DNAJA3: variants seen among roughly 807,000 people sequenced by gnomAD.
The protein encoded by DNAJA3 is DnaJ heat shock protein family (Hsp40) member A3, also known as dnaJ homolog subfamily A member 3, mitochondrial.
Under a neutral mutation model 54.9 loss-of-function variants are expected in DNAJA3, and 29 were observed. That is an observed-to-expected ratio of 0.53 (90% CI 0.39 to 0.72). The LOEUF is 0.72. Ranked by LOEUF, DNAJA3 falls within the 30% of genes least tolerant of loss-of-function variation. DNAJA3 has a pLI of 0.00. For synonymous variants in DNAJA3, 302 were observed against 251.4 expected (o/e 1.20, Z -1.90); for missense variants, 708 against 639.4 (o/e 1.11, Z -1.16).
At chr16:4,453,827 C>T (rs140493749) in intron 10 of DNAJA3, among the ~76,000 whole-genome samples, 3 of 152,320 alleles carry the variant, frequency 2.0e-5, no homozygotes, top group East Asian at 3.9e-4. Flanking sequence ...CTTTCACTAG[C>T]GAAGGCACCT....
chr16:4,452,402 T>C (rs966742513), intron 10 of DNAJA3, among the ~76,000 whole-genome samples: 2 of 152,126 alleles, frequency 1.3e-5, no homozygotes, highest in African/African-American at 4.8e-5. Context: ...TGGGTGTTGC[T>C]TACTCTGTTG....
intron 7 of DNAJA3, 40 bp from the exon 8 acceptor site, chr16:4,446,846 T>C (rs2056907233): frequency 1.2e-6 from 2 of 1,610,142 alleles, no homozygotes; most frequent in Non-Finnish European, 1.7e-6. Context: ...TAGTCTGCAG[T>C]GGACTTATCT....
chr16:4,429,874 G>A (rs1344990234), intron 1 of DNAJA3, among the ~76,000 whole-genome samples: 1 of 151,988 alleles, frequency 6.6e-6, no homozygotes, highest in Non-Finnish European at 1.5e-5. Context: ...GCAACTGCCT[G>A]TACTCCCAGC....
intron 1 of DNAJA3, chr16:4,431,243 G>T (rs1324895529): frequency 6.6e-6 from 1 of 152,160 alleles, no homozygotes; most frequent in Non-Finnish European, 1.5e-5. Context: ...AGGCTGGACT[G>T]GGCCGGGCAA....
intron 10 of DNAJA3, among the ~76,000 whole-genome samples, chr16:4,451,329 T>C (rs910621158): frequency 1.1e-4 from 17 of 152,204 alleles, no homozygotes; most frequent in Non-Finnish European, 1.6e-4. Flanking sequence ...TAGCAGGTGT[T>C]TGGAGCTGGG....
At chr16:4,434,630 A>T in intron 2 of DNAJA3, 113 bp downstream of exon 2, 2 of 1,264,936 alleles carry the variant, frequency 1.6e-6, no homozygotes, top group South Asian at 3.0e-5. Context: ...TCATGAGCTG[A>T]TAGTATAGAA....
chr16:4,426,155 G>T, intron 1 of DNAJA3, 63 bp downstream of exon 1: 1 of 1,441,962 alleles, frequency 6.9e-7, no homozygotes, highest in African/African-American at 1.5e-5. Context: ...GAGTCTCCTC[G>T]CTGTGACTAC....
intron 11 of DNAJA3, 116 bp downstream of exon 11, chr16:4,455,043 G>C: frequency 2.8e-6 from 2 of 715,652 alleles, no homozygotes; most frequent in South Asian, 3.5e-5. Context: ...ACAGGTGCCA[G>C]TCCAAGGTGT....
intron 8 of DNAJA3, among the ~76,000 whole-genome samples, chr16:4,448,351 C>T (rs1448434264): frequency 6.6e-6 from 1 of 150,588 alleles, no homozygotes; most frequent in African/African-American, 2.4e-5. Context: ...CCCTCCACCA[C>T]CGCTCTGCCG....
chr16:4,448,020 G>GTTATT (rs1285877340), intron 8 of DNAJA3: 1 of 64,404 alleles, frequency 1.6e-5, no homozygotes, highest in Non-Finnish European at 3.6e-5. Context: ...CCCAGTGGCA[G>GTTATT]TTCTTTTTTT....
intron 10 of DNAJA3, among the ~76,000 whole-genome samples, chr16:4,451,530 G>A (rs1415187222): frequency 6.6e-6 from 1 of 152,030 alleles, no homozygotes; most frequent in Non-Finnish European, 1.5e-5. Flanking sequence ...GCAGGGGCAG[G>A]TGGATCACTT....
At chr16:4,441,151 G>A (rs551194741) in intron 3 of DNAJA3, 68 of 557,864 alleles carry the variant, frequency 1.2e-4, no homozygotes, top group Admixed American at 5.3e-4. Context: ...GGGAGAGTTC[G>A]TGAGACTTTT....
chr16:4,437,768 A>T (rs2056789011), intron 3 of DNAJA3: 1 of 289,462 alleles, frequency 3.5e-6, no homozygotes, highest in East Asian at 5.8e-5. Flanking sequence ...TGGGCAATGT[A>T]GTAAGACCAC....
At position 4,434,513 on chromosome 16, in the gene DNAJA3, A is replaced by C; in HGVS notation, c.341A>C (p.Tyr114Ser). The C allele has an allele frequency of 6.2e-7, 1 of 1,611,292 alleles. No homozygotes were observed. The highest frequency in any genetic ancestry group is 8.5e-7 in the Non-Finnish European group (1 of 1,179,414). ...ASQKEIKKAY[Y>S]QLAKKYHPDT... ...CAGAAAGAGATCAAGAAAGCCTATT[A>C]TCAGGTCTGTATGGAAGTCAGGTTT... is the stretch of plus-strand genomic sequence containing the variant. The change falls in exon 2 of 12, where the codon TAT becomes TCT. Residue 114 changes from tyrosine (Y) to serine (S), a missense_variant. Physicochemically the swap from Tyr to Ser is moderately radical, Grantham distance 144. Coordinates refer to ENST00000262375, the MANE Select transcript of DNAJA3 (RefSeq NM_005147.6).
intron 6 of DNAJA3, among the ~76,000 whole-genome samples, chr16:4,444,046 A>G (rs952480409): frequency 6.4e-4 from 97 of 152,170 alleles, no homozygotes; most frequent in African/African-American, 2.3e-3. Flanking sequence ...ATTGAAGAGC[A>G]TGTCTCTGTT....
rs1475626207 is a variant in DNAJA3, at chr16:4,446,984, C to T, written c.1095C>T (p.Ala365=). ...CTCTTCTTGGGGGTACAGCCAGAGC[C>T]CAGGGCCTGTACGAGACGATCAACG... ...AQALLGGTAR[A]QGLYETINVT... Residue 365 remains alanine, a synonymous_variant, in exon 8 of 12, where the codon GCC becomes GCT. Coordinates refer to ENST00000262375, the MANE Select transcript of DNAJA3 (RefSeq NM_005147.6). The T allele has an allele frequency of 1.2e-6, 2 of 1,614,150 alleles. No homozygotes were observed. Among genetic ancestry groups the T allele is most frequent in the Non-Finnish European group, 8.5e-7 (1 of 1,180,020 alleles).
At chr16:4,455,444 C>A in intron 11 of DNAJA3, 102 bp from the exon 12 acceptor site, 1 of 1,421,662 alleles carries the variant, frequency 7.0e-7, no homozygotes, top group Non-Finnish European at 9.7e-7. Flanking sequence ...TCTCGCCCCT[C>A]TCTTGGCACA....
rs143488559 is a variant in DNAJA3 at position 4,440,082 on chromosome 16, C to T, written c.430-1293C>T. ...CCTCCCAAGTAGCTGGAACTATAGG[C>T]GTGCACCACCATTCTTGGTTAATTT... is the stretch of plus-strand genomic sequence containing the variant. On this transcript the variant is annotated intron_variant, in intron 3 of 11. Transcript: ENST00000262375. Among the ~76,000 whole-genome samples, 17 of 152,012 alleles carry T rather than the reference C, an allele frequency of 1.1e-4. No homozygotes were observed. In the East Asian group the frequency reaches 3.1e-3, roughly 28 times the overall value.
rs770462482 is a variant in DNAJA3, at chr16:4,441,550, A to T, written c.605A>T (p.Gln202Leu). ...EFSSSSFGDF[Q>L]TVFDQPQEYF... ...TCATCCTCTTCATTTGGAGATTTCC[A>T]GACCGTGTTTGATCAGCCTCAGGAA... is the stretch of plus-strand genomic sequence containing the variant. The change falls in exon 4 of 12, where the codon CAG becomes CTG. Residue 202 changes from glutamine to leucine, a missense_variant. Transcript: ENST00000262375. 2 of 1,614,144 alleles carry T rather than the reference A, an allele frequency of 1.2e-6. No homozygotes were observed. Among genetic ancestry groups the T allele is most frequent in the Non-Finnish European group, 8.5e-7 (1 of 1,180,032 alleles).
Sources: allele counts gnomAD v4.1 joint callset (sites outside exome capture counted in the v4.1 genomes callset), GRCh38; gene constraint gnomAD v4.1.1; transcripts MANE v1.5; gene names NCBI Gene and HGNC (gene_info 2026-07-23, HGNC 2026-07-21).